The following PTPRN2 variants were observed in gnomAD, a reference collection of about 807,000 sequenced individuals.
PTPRN2 encodes the protein receptor-type tyrosine-protein phosphatase N2.
In PTPRN2, 74 loss-of-function variants were observed where a neutral mutation model predicts 118.8. The observed-to-expected ratio is 0.62, with a 90% CI of 0.52 to 0.76. The LOEUF (loss-of-function observed/expected upper bound fraction) is 0.76, where lower values mean the gene tolerates loss of function less well. Ranked by LOEUF, PTPRN2 falls within the 30% of genes least tolerant of loss-of-function variation. The pLI is 0.00. For synonymous variants in PTPRN2, 641 were observed against 608.0 expected (o/e 1.05, Z -0.80); for missense variants, 1,481 against 1,394.4 (o/e 1.06, Z -0.99).
At chr7:157,804,849 A>G (rs555089694) in intron 12 of PTPRN2, among the ~76,000 whole-genome samples, 52 of 152,286 alleles carry the variant, frequency 3.4e-4, no homozygotes, top group African/African-American at 1.2e-3. Context: ...CCCACCCTGC[A>G]GGTCTAGGCC....
At chr7:157,594,721 G>T (rs1801192294) in intron 17 of PTPRN2, among the ~76,000 whole-genome samples, 1 of 152,240 alleles carries the variant, frequency 6.6e-6, no homozygotes, top group Admixed American at 6.5e-5. Flanking sequence ...GACCCCACCT[G>T]CCCTCTGCAT....
intron 4 of PTPRN2, among the ~76,000 whole-genome samples, chr7:158,193,303 GACGTGTCAGCCAC>G (rs1162110052): frequency 6.6e-6 from 1 of 152,218 alleles, no homozygotes; most frequent in African/African-American, 2.4e-5. Context: ...GAGGCAGCTG[GACGTGTCAGCCAC>G]ATGTGGCCCC....
intron 11 of PTPRN2, among the ~76,000 whole-genome samples, chr7:157,917,800 C>T (rs545740257): frequency 3.9e-5 from 6 of 152,180 alleles, no homozygotes; most frequent in African/African-American, 9.6e-5. Context: ...TCCTGCGTGG[C>T]GACGAGGAAA....
intron 6 of PTPRN2, among the ~76,000 whole-genome samples, chr7:158,146,747 G>C (rs1438913994): frequency 6.6e-5 from 10 of 150,396 alleles, no homozygotes; most frequent in Non-Finnish European, 1.2e-4. Flanking sequence ...AAAGAAAAAA[G>C]AAACAATAGA....
intron 5 of PTPRN2, among the ~76,000 whole-genome samples, chr7:158,181,149 A>C (rs1824670634): frequency 6.6e-6 from 1 of 152,310 alleles, no homozygotes; most frequent in Middle Eastern, 3.4e-3. Context: ...TTTATCATGA[A>C]GTGATGCTGG....
At chr7:158,071,440 TGGAGGTGCTCGTGGTTGA>T (rs1811609153) in intron 11 of PTPRN2, among the ~76,000 whole-genome samples, 3 of 101,730 alleles carry the variant, frequency 2.9e-5, no homozygotes, top group Admixed American at 9.8e-5. Context: ...CTCGTGGTGG[TGGAGGTGCTCGTGGTTGA>T]GGTGCTCGTG....
rs182343722 is a variant in PTPRN2 at position 158,188,238 on chromosome 7, G to A, written c.549+4089C>T. On this transcript the variant is annotated intron_variant, in intron 5 of 22. Transcript: ENST00000389418. ...CCTGATGGGGAAGGCCGCCACGCTT[G>A]CCCCGCGATGGGGAAGGCCGCCACG... 1.5e-3 allele frequency among the ~76,000 whole-genome samples: 98 copies of A among 63,646 alleles called. 13 individuals carry two copies. The highest frequency in any genetic ancestry group is 4.8e-3 in the African/African-American group (90 of 18,626). 41.8% of individuals were successfully genotyped at this position (63,646 alleles called of 152,430 possible).
At chr7:158,145,711 A>G (rs1221407777) in intron 6 of PTPRN2, among the ~76,000 whole-genome samples, 1 of 152,190 alleles carries the variant, frequency 6.6e-6, no homozygotes, top group African/African-American at 2.4e-5. Flanking sequence ...TGATTATTCT[A>G]GAATCTGTAG....
rs373576646 is a variant in PTPRN2 at position 158,495,216 on chromosome 7, G to A, written c.113-5431C>T. On this transcript the variant is annotated intron_variant, in intron 1 of 22. Coordinates refer to ENST00000389418, the MANE Select transcript of PTPRN2 (RefSeq NM_002847.5). Reference sequence around the variant, plus strand: ...TTTCCCACCTCTCCCTGCAGAAAACGCTAGGGCTTACGACAGCCTGAGGCT... The same window carrying A: ...TTTCCCACCTCTCCCTGCAGAAAACACTAGGGCTTACGACAGCCTGAGGCT... Among the ~76,000 whole-genome samples the A allele has an allele frequency of 1.5e-4, 23 of 152,272 alleles. 1 individual carries two copies. The South Asian group carries it at 3.5e-3, about 23-fold the overall frequency.
chr7:158,166,373 G>A (rs1323331921), intron 6 of PTPRN2, among the ~76,000 whole-genome samples: 1 of 34,026 alleles, frequency 2.9e-5, no homozygotes, highest in Non-Finnish European at 6.3e-5. Flanking sequence ...TGGCCGCCGC[G>A]TTCCCTGTCC....
intron 11 of PTPRN2, among the ~76,000 whole-genome samples, chr7:158,002,069 G>T (rs915898813): frequency 1.3e-5 from 2 of 152,222 alleles, no homozygotes; most frequent in Non-Finnish European, 2.9e-5. Flanking sequence ...GGTGACATGG[G>T]GTGGCCCCCA....
At position 157,585,034 on chromosome 7, in the gene PTPRN2, C is replaced by A. The variant is rs1450830748; in HGVS notation, c.2497-6894G>T. Among the ~76,000 whole-genome samples the A allele has an allele frequency of 6.6e-6, 1 of 152,124 alleles. No homozygotes were observed. Among genetic ancestry groups the A allele is most frequent in the Non-Finnish European group, 1.5e-5 (1 of 68,024 alleles). On this transcript the variant is annotated intron_variant, in intron 17 of 22. Transcript: ENST00000389418. This position sits in a 1 kb window ranked among gnomAD's most constrained non-coding sequence, Gnocchi z 5.2. ...CCGTCCATGACCAGCTCATGGTGCA[C>A]CTACCTGGCTTTTTTTTAGTAAACA... is the stretch of plus-strand genomic sequence containing the variant.
chr7:157,688,804 G>A (rs1797322059), intron 12 of PTPRN2, among the ~76,000 whole-genome samples: 2 of 152,210 alleles, frequency 1.3e-5, no homozygotes, highest in Admixed American at 1.3e-4. Flanking sequence ...GTCAGCGTTC[G>A]GCCCCGTCCC....
intron 11 of PTPRN2, among the ~76,000 whole-genome samples, chr7:158,007,979 G>A (rs1219474243): frequency 1.3e-5 from 2 of 149,232 alleles, no homozygotes; most frequent in Non-Finnish European, 3.0e-5. Flanking sequence ...GGTGTGCTTT[G>A]TGTATATGTG....
rs537854048 is a variant in PTPRN2 at position 158,327,178 on chromosome 7, C to T, written c.164-10246G>A. On this transcript the variant is annotated intron_variant, in intron 2 of 22. Transcript: ENST00000389418. The stretch of plus-strand genomic sequence containing the variant: ...GCACACATTCTCACATGCACACACA[C>T]ATGCTCACATTCTCACACATGCACA... 5.4e-4 allele frequency among the ~76,000 whole-genome samples: 82 copies of T among 151,550 alleles called. No individual in the cohort carries two copies. In the South Asian group the frequency reaches 6.3e-3, roughly 12 times the overall value.
At chr7:157,999,867 T>G (rs1285383771) in intron 11 of PTPRN2, among the ~76,000 whole-genome samples, 1 of 151,998 alleles carries the variant, frequency 6.6e-6, no homozygotes, top group East Asian at 1.9e-4. Flanking sequence ...CTGGTTTTTA[T>G]TTTTACTTTT....
intron 2 of PTPRN2, among the ~76,000 whole-genome samples, chr7:158,376,393 G>T (rs193105851): frequency 1.4e-5 from 2 of 144,748 alleles, no homozygotes; most frequent in African/African-American, 5.1e-5. Context: ...GCGAGGGGGG[G>T]TCAGGGGACT....
intron 11 of PTPRN2, among the ~76,000 whole-genome samples, chr7:158,062,947 G>A (rs189664132): frequency 3.3e-5 from 5 of 152,366 alleles, no homozygotes; most frequent in Admixed American, 3.3e-4. Flanking sequence ...CAAAGGCTGA[G>A]GAGTGTGGGC....
intron 12 of PTPRN2, among the ~76,000 whole-genome samples, chr7:157,698,858 T>A (rs1797935613): frequency 6.6e-6 from 1 of 152,242 alleles, no homozygotes. Context: ...CATAACTAGA[T>A]TATATTCTTT....
Sources: gnomAD v4.1 joint callset for allele counts (sites outside exome capture counted in the v4.1 genomes callset) on GRCh38, gnomAD v4.1.1 for gene constraint, Gnocchi (gnomAD v3.1) non-coding constraint, MANE v1.5 for transcripts, NCBI Gene and HGNC (gene_info 2026-07-23, HGNC 2026-07-21) for gene names.